GALNTL6: variants seen among roughly 807,000 people sequenced by gnomAD.
GALNTL6 encodes polypeptide N-acetylgalactosaminyltransferase-like 6.
GALNTL6 carries 46 observed loss-of-function variants against 73.7 expected under a neutral mutation model. The ratio of observed to expected loss-of-function variants is 0.62; its 90% confidence interval spans 0.49 to 0.80. The LOEUF is 0.80. Among genes scored for constraint, GALNTL6 ranks in the 30% least tolerant of loss-of-function variants. The probability of loss-of-function intolerance (pLI) is 0.00; values close to 1 mark genes in which losing one functional copy is unlikely to be tolerated. For missense variants in GALNTL6, 604 were observed against 755.0 expected (o/e 0.80, Z 2.34); for synonymous variants, 259 against 263.7 (o/e 0.98, Z 0.17).
chr4:172,609,601 T>TTCTCTCTCTCTC (rs71592087), intron 5 of GALNTL6, among the ~76,000 whole-genome samples: 1 of 113,900 alleles, frequency 8.8e-6, no homozygotes, highest in African/African-American at 3.5e-5. Flanking sequence ...GCCTGAAGTT[T>TTCTCTCTCTCTC]TCTCTCTCTC....
At chr4:172,835,449 C>T (rs1481354994) in intron 7 of GALNTL6, among the ~76,000 whole-genome samples, 1 of 152,196 alleles carries the variant, frequency 6.6e-6, no homozygotes, top group Admixed American at 6.5e-5. Flanking sequence ...CTAGTTTTAA[C>T]AGTCTTGGCT....
intron 2 of GALNTL6, among the ~76,000 whole-genome samples, chr4:171,896,508 C>T (rs997682858): frequency 3.3e-5 from 5 of 152,172 alleles, no homozygotes; most frequent in African/African-American, 9.7e-5. Flanking sequence ...TTATTTCTCA[C>T]GGTTCTGGAG....
At chr4:172,749,123 A>G (rs550353133) in intron 5 of GALNTL6, among the ~76,000 whole-genome samples, 1 of 151,792 alleles carries the variant, frequency 6.6e-6, no homozygotes, top group South Asian at 2.1e-4. Context: ...AAGTTTCACC[A>G]TGTTATCCAG....
chr4:172,707,374 A>G (rs1734418855), intron 5 of GALNTL6, among the ~76,000 whole-genome samples: 1 of 152,170 alleles, frequency 6.6e-6, no homozygotes, highest in Non-Finnish European at 1.5e-5. Context: ...TGCCCTATTG[A>G]CACACCTCTT....
At chr4:172,109,013 CAAAAAAAAAAAAAAAAA>C (rs202017302) in intron 2 of GALNTL6, among the ~76,000 whole-genome samples, 59,269 of 108,990 alleles carry the variant, frequency 0.54, 13,039 homozygotes, top group African/African-American at 0.61. Flanking sequence ...ACTCCATCTC[CAAAAAAAAAAAAAAAAA>C]AAAAAAAAAA....
At chr4:172,020,036 A>T (rs1336968553) in intron 2 of GALNTL6, among the ~76,000 whole-genome samples, 1 of 152,162 alleles carries the variant, frequency 6.6e-6, no homozygotes, top group Non-Finnish European at 1.5e-5. Flanking sequence ...GCAAACACAT[A>T]GAAATTAAAT....
chr4:172,200,625 TA>T (rs1283776986), intron 2 of GALNTL6, among the ~76,000 whole-genome samples: 1 of 152,246 alleles, frequency 6.6e-6, no homozygotes, highest in Non-Finnish European at 1.5e-5. Context: ...AATATAATTT[TA>T]TTTTGCTTCA....
At chr4:172,178,665 T>A (rs576579671) in intron 2 of GALNTL6, among the ~76,000 whole-genome samples, 203 of 149,416 alleles carry the variant, frequency 1.4e-3, no homozygotes, top group Non-Finnish European at 1.6e-3. Flanking sequence ...TTTTTTTTTT[T>A]TTATTATACT....
chr4:172,419,642 A>G (rs979323951), intron 5 of GALNTL6, among the ~76,000 whole-genome samples: 1 of 152,172 alleles, frequency 6.6e-6, no homozygotes. Context: ...AGTTTATAGT[A>G]TAACTAAAAT....
At chr4:172,543,836 A>G (rs1191972888) in intron 5 of GALNTL6, among the ~76,000 whole-genome samples, 1 of 152,212 alleles carries the variant, frequency 6.6e-6, no homozygotes, top group Non-Finnish European at 1.5e-5. Context: ...GATGTTGAAG[A>G]TGAAGATAAT....
intron 5 of GALNTL6, among the ~76,000 whole-genome samples, chr4:172,400,085 T>C (rs558006540): frequency 6.6e-6 from 1 of 152,278 alleles, no homozygotes; most frequent in South Asian, 2.1e-4. Context: ...TTTGTGCCCT[T>C]TTAAAATTTT....
intron 8 of GALNTL6, among the ~76,000 whole-genome samples, chr4:172,928,882 C>T (rs758331929): frequency 6.6e-6 from 1 of 152,188 alleles, no homozygotes; most frequent in Non-Finnish European, 1.5e-5. Context: ...TTCAGGCCTG[C>T]AGATAGATCT....
rs142768055 is a variant in GALNTL6, at chr4:172,857,471, T to C, written c.924-25319T>C. Among the ~76,000 whole-genome samples, 538 of 152,214 alleles carry C rather than the reference T, an allele frequency of 3.5e-3. 1 individual carries two copies. The highest frequency in any genetic ancestry group is 0.012 in the African/African-American group (512 of 41,528). The stretch of plus-strand genomic sequence containing the variant: ...CTGGAAAAAAGGCCTATTTTATCAA[T>C]ATGTATGTGCAAGGCATTGGAATTT... On this transcript the variant is annotated intron_variant, in intron 7 of 12. Transcript: ENST00000506823.
At chr4:172,842,906 A>G (rs1299583984) in intron 7 of GALNTL6, among the ~76,000 whole-genome samples, 1 of 152,164 alleles carries the variant, frequency 6.6e-6, no homozygotes, top group Non-Finnish European at 1.5e-5. Flanking sequence ...CACAGTGCAC[A>G]ATGCCAGCTT....
chr4:172,936,081 C>A (rs943014491), intron 9 of GALNTL6, among the ~76,000 whole-genome samples: 4 of 152,190 alleles, frequency 2.6e-5, no homozygotes, highest in Admixed American at 1.3e-4. Flanking sequence ...AGCTTATCCA[C>A]CATGATCAAG....
chr4:171,994,092 G>A (rs1445552917), intron 2 of GALNTL6, among the ~76,000 whole-genome samples: 1 of 151,998 alleles, frequency 6.6e-6, no homozygotes, highest in Non-Finnish European at 1.5e-5. Context: ...GATTACAAGT[G>A]TATTGCCCCT....
chr4:172,577,779 T>C (rs1737014376), intron 5 of GALNTL6, among the ~76,000 whole-genome samples: 1 of 152,168 alleles, frequency 6.6e-6, no homozygotes, highest in African/African-American at 2.4e-5. Context: ...TTGTTGTCAT[T>C]CATGATTTCA....
chr4:171,953,570 G>A (rs552012510), intron 2 of GALNTL6, among the ~76,000 whole-genome samples: 1 of 152,116 alleles, frequency 6.6e-6, no homozygotes, highest in Non-Finnish European at 1.5e-5. Context: ...ACTCCTTAAA[G>A]AAAATTACAG....
At chr4:172,982,705 G>A (rs1481433531) in intron 10 of GALNTL6, among the ~76,000 whole-genome samples, 1 of 151,742 alleles carries the variant, frequency 6.6e-6, no homozygotes, top group East Asian at 1.9e-4. Context: ...CTAATTTCAA[G>A]AACATGTGAA....
Sources: gnomAD v4.1 joint callset for allele counts (sites outside exome capture counted in the v4.1 genomes callset) on GRCh38, gnomAD v4.1.1 for gene constraint, MANE v1.5 for transcripts, NCBI Gene and HGNC (gene_info 2026-07-23, HGNC 2026-07-21) for gene names.